Variants in HTR4 observed in about 807,000 individuals in gnomAD.
HTR4 encodes the protein 5-hydroxytryptamine (serotonin) receptor 4, G protein-coupled.
Under a neutral mutation model 36.8 loss-of-function variants are expected in HTR4, and 16 were observed. The ratio of observed to expected loss-of-function variants is 0.43; its 90% CI spans 0.29 to 0.66. The LOEUF is 0.66. HTR4 is among the 30% of genes least tolerant of loss of function. The pLI, the probability that HTR4 is intolerant of heterozygous loss-of-function variation, is 0.13. For synonymous variants in HTR4, 189 were observed against 185.1 expected (o/e 1.02, Z -0.17); for missense variants, 438 against 490.9 (o/e 0.89, Z 1.02).
At chr5:148,521,401 T>C (rs186934146) in intron 5 of HTR4, among the ~76,000 whole-genome samples, 186 of 152,166 alleles carry the variant, frequency 1.2e-3, no homozygotes, top group African/African-American at 4.2e-3. Flanking sequence ...ATGCAATCCA[T>C]TGAAGGCTTG....
intron 5 of HTR4, among the ~76,000 whole-genome samples, chr5:148,469,557 C>T (rs1755513658): frequency 6.6e-6 from 1 of 152,202 alleles, no homozygotes; most frequent in South Asian, 2.1e-4. Flanking sequence ...CTGAAGCCAG[C>T]TCTGCAGCAT....
intron 2 of HTR4, among the ~76,000 whole-genome samples, chr5:148,602,463 TG>T (rs772672600): frequency 2.0e-5 from 3 of 152,204 alleles, no homozygotes; most frequent in Admixed American, 2.0e-4. Context: ...TTAATATTTA[TG>T]GGATGCAGAT....
intron 5 of HTR4, among the ~76,000 whole-genome samples, chr5:148,464,409 AC>A (rs1755369267): frequency 6.6e-6 from 1 of 152,204 alleles, no homozygotes; most frequent in African/African-American, 2.4e-5. Context: ...AAAATGAACA[AC>A]CTAATTTTAA....
At chr5:148,474,243 A>G (rs1197842333), downstream of HTR4, among the ~76,000 whole-genome samples, 1 of 152,080 alleles carries the variant, frequency 6.6e-6, no homozygotes, top group Non-Finnish European at 1.5e-5. Context: ...AAGCCTTAGT[A>G]GCTGATGACT....
chr5:148,586,699 G>A (rs1408276140), intron 2 of HTR4, among the ~76,000 whole-genome samples: 1 of 152,176 alleles, frequency 6.6e-6, no homozygotes, highest in African/African-American at 2.4e-5. Context: ...GGAAAGTGAA[G>A]TTGAGTACTT....
At chr5:148,557,674 T>C (rs1305406966) in intron 2 of HTR4, among the ~76,000 whole-genome samples, 2 of 151,724 alleles carry the variant, frequency 1.3e-5, no homozygotes, top group Non-Finnish European at 2.9e-5. Flanking sequence ...TGAAAGACTA[T>C]CCAGGATGTT....
At chr5:148,469,334 C>T (rs969724070) in intron 5 of HTR4, among the ~76,000 whole-genome samples, 2 of 152,172 alleles carry the variant, frequency 1.3e-5, no homozygotes, top group Admixed American at 1.3e-4. Flanking sequence ...TAACGCTGTA[C>T]CACTGTGATC....
intron 2 of HTR4, among the ~76,000 whole-genome samples, chr5:148,558,512 C>T (rs1011693638): frequency 6.6e-6 from 1 of 152,198 alleles, no homozygotes; most frequent in Non-Finnish European, 1.5e-5. Flanking sequence ...CTGCCATTCT[C>T]AAGAACTTTT....
intron 5 of HTR4, 60 bp from the exon 6 acceptor site, chr5:148,510,084 A>G (rs1170614770): frequency 8.7e-7 from 1 of 1,146,108 alleles, no homozygotes; most frequent in South Asian, 1.6e-5. Context: ...GAAAAAGTGA[A>G]AAAGAAGTGG....
chr5:148,540,794 T>A (rs1581447477), intron 4 of HTR4, among the ~76,000 whole-genome samples: 2 of 151,892 alleles, frequency 1.3e-5, no homozygotes, highest in East Asian at 1.9e-4. Context: ...AGCCATGGGA[T>A]AAATGAGGTT....
At chr5:148,591,849 G>A (rs1761584858) in intron 2 of HTR4, among the ~76,000 whole-genome samples, 1 of 152,210 alleles carries the variant, frequency 6.6e-6, no homozygotes, top group African/African-American at 2.4e-5. Flanking sequence ...CACTGCTGGA[G>A]GGAGTGTAAA....
chr5:148,544,737 G>C (rs982415850), intron 4 of HTR4, among the ~76,000 whole-genome samples: 1 of 152,182 alleles, frequency 6.6e-6, no homozygotes, highest in Non-Finnish European at 1.5e-5. Flanking sequence ...AATTCTGAAA[G>C]CACCAGGAAG....
At chr5:148,508,781 T>C (rs1757347157) in intron 6 of HTR4, among the ~76,000 whole-genome samples, 1 of 152,196 alleles carries the variant, frequency 6.6e-6, no homozygotes, top group Non-Finnish European at 1.5e-5. Flanking sequence ...TCTCAGGCAC[T>C]ACGTTATTAC....
At chr5:148,600,578 T>C (rs1418215550) in intron 2 of HTR4, among the ~76,000 whole-genome samples, 2 of 151,558 alleles carry the variant, frequency 1.3e-5, no homozygotes, top group East Asian at 3.9e-4. Flanking sequence ...TATACACTAG[T>C]AAGAAACTAT....
intron 2 of HTR4, among the ~76,000 whole-genome samples, chr5:148,568,934 A>G (rs2080586262): frequency 6.6e-6 from 1 of 152,148 alleles, no homozygotes; most frequent in Admixed American, 6.6e-5. Flanking sequence ...TAATTACATC[A>G]TGGCACACTG....
intron 1 of HTR4, among the ~76,000 whole-genome samples, chr5:148,641,027 T>C (rs1262368562): frequency 1.3e-5 from 2 of 152,176 alleles, no homozygotes; most frequent in Non-Finnish European, 2.9e-5. Flanking sequence ...CCTATCCTAA[T>C]TTGATTAATT....
At chr5:148,537,979 T>C (rs1383061878) in intron 4 of HTR4, among the ~76,000 whole-genome samples, 1 of 152,062 alleles carries the variant, frequency 6.6e-6, no homozygotes, top group Admixed American at 6.6e-5. Flanking sequence ...CAAAAATCCC[T>C]AACAAATTAC....
chr5:148,470,444 T>C (rs566249654), intron 5 of HTR4, among the ~76,000 whole-genome samples: 1 of 152,210 alleles, frequency 6.6e-6, no homozygotes, highest in Non-Finnish European at 1.5e-5. Flanking sequence ...AGTTGCCAAC[T>C]TTTTTAGAGT....
At chr5:148,640,381 G>T (rs1753692238) in intron 1 of HTR4, among the ~76,000 whole-genome samples, 1 of 152,150 alleles carries the variant, frequency 6.6e-6, no homozygotes, top group Non-Finnish European at 1.5e-5. Flanking sequence ...CTGGCAACAA[G>T]AATCCCTTAG....
Sources: gnomAD v4.1 joint callset for allele counts (sites outside exome capture counted in the v4.1 genomes callset) on GRCh38, gnomAD v4.1.1 for gene constraint, MANE v1.5 for transcripts, NCBI Gene and HGNC (gene_info 2026-07-23, HGNC 2026-07-21) for gene names.